METTL14: variants seen among roughly 807,000 people sequenced by gnomAD.
METTL14 encodes N(6)-adenosine-methyltransferase non-catalytic subunit METTL14.
Under a neutral mutation model 62.4 loss-of-function variants are expected in METTL14, and 32 were observed. That is an observed-to-expected ratio of 0.51 (90% CI 0.39 to 0.69). METTL14 has a LOEUF of 0.69. Among genes scored for constraint, METTL14 ranks in the 30% least tolerant of loss-of-function variants. The pLI, the probability that METTL14 is intolerant of heterozygous loss-of-function variation, is 0.00. For missense variants in METTL14, 340 were observed against 551.9 expected (o/e 0.62, Z 3.85); for synonymous variants, 150 against 180.0 (o/e 0.83, Z 1.34).
intron 6 of METTL14, among the ~76,000 whole-genome samples, chr4:118,695,941 C>G (rs1015797604): frequency 7.3e-5 from 11 of 151,506 alleles, no homozygotes; most frequent in South Asian, 6.3e-4. Flanking sequence ...GAAACCTTGT[C>G]TCTATTAAAA....
chr4:118,709,393 G>A (rs1174726852), intron 10 of METTL14, among the ~76,000 whole-genome samples: 5 of 152,176 alleles, frequency 3.3e-5, no homozygotes, highest in African/African-American at 4.8e-5. Flanking sequence ...CACTTTTAGA[G>A]GGAGGAGAAG....
chr4:118,692,303 A>G (rs1004177352), intron 5 of METTL14, among the ~76,000 whole-genome samples: 2 of 144,536 alleles, frequency 1.4e-5, no homozygotes, highest in African/African-American at 5.2e-5. Flanking sequence ...CTCTTGGCTC[A>G]CTACAACCTC....
At chr4:118,699,759 A>G (rs902008610) in intron 7 of METTL14, among the ~76,000 whole-genome samples, 7 of 152,180 alleles carry the variant, frequency 4.6e-5, no homozygotes, top group Non-Finnish European at 8.8e-5. Context: ...TCTTGATTTC[A>G]GTTTAATTTC....
intron 9 of METTL14, among the ~76,000 whole-genome samples, chr4:118,705,311 C>T (rs1249032063): frequency 2.0e-5 from 3 of 151,958 alleles, no homozygotes; most frequent in Admixed American, 6.6e-5. Context: ...CCTGTCTTTA[C>T]AAAAAATTTA....
At chr4:118,688,299 T>C (rs531364639) in intron 2 of METTL14, among the ~76,000 whole-genome samples, 10 of 152,216 alleles carry the variant, frequency 6.6e-5, no homozygotes, top group Admixed American at 4.6e-4. Context: ...TAGCCAGACA[T>C]GGTGGCGGGC....
chr4:118,695,989 AG>A (rs1450615207), intron 6 of METTL14, among the ~76,000 whole-genome samples: 1 of 151,654 alleles, frequency 6.6e-6, no homozygotes, highest in East Asian at 1.9e-4. Context: ...GCACACCTGT[AG>A]TCCCAGCTAT....
Position 118,711,577 on chromosome 4 carries a change from A to G in METTL14, c.*1275A>G, listed in dbSNP as rs1179902954. 6.6e-6 allele frequency: 1 copy of G among 152,198 alleles called. No homozygotes were observed. Among genetic ancestry groups the G allele is most frequent in the Non-Finnish European group, 1.5e-5 (1 of 68,034 alleles). 9.4% of individuals were successfully genotyped at this position (152,198 alleles called of 1,614,324 possible). A position where few individuals can be genotyped will look rare whatever the true frequency, so the allele number is the denominator to read the frequency against. On this transcript the variant is annotated 3_prime_UTR_variant, in exon 11 of 11. Transcript: ENST00000388822. ...GGCCGTTCTGTGCTCATATATACCT[A>G]AGATGAGATTATATTACATCCACCA...
intron 7 of METTL14, among the ~76,000 whole-genome samples, chr4:118,699,773 G>A (rs1320522404): frequency 6.6e-6 from 1 of 152,124 alleles, no homozygotes; most frequent in East Asian, 1.9e-4. Flanking sequence ...TAATTTCACT[G>A]TACTTCAACT....
At position 118,714,380 on chromosome 4, in the gene METTL14, T is replaced by G. The variant is rs1167123001; in HGVS notation, c.*4078T>G. 1 of 152,140 alleles carries G rather than the reference T, an allele frequency of 6.6e-6. No individual in the cohort carries two copies. The highest frequency in any genetic ancestry group is 1.5e-5 in the Non-Finnish European group (1 of 68,040). The allele number at this position is 152,140 out of a possible 1,614,324, so 9.4% of individuals were successfully genotyped here. On this transcript the variant is annotated 3_prime_UTR_variant, in exon 11 of 11. Transcript: ENST00000388822. ...GCAACTATAGAGAGAAGAGTGGGGCTGGAGACCTCATACCCTGGGTAAAGT... is the reference window on the plus strand; with the variant it reads ...GCAACTATAGAGAGAAGAGTGGGGCGGGAGACCTCATACCCTGGGTAAAGT...
intron 6 of METTL14, among the ~76,000 whole-genome samples, chr4:118,695,995 AG>A (rs1273261877): frequency 6.6e-6 from 1 of 151,568 alleles, no homozygotes; most frequent in African/African-American, 2.4e-5. Flanking sequence ...CTGTAGTCCC[AG>A]CTATTCGGGA....
At chr4:118,707,838 AT>A (rs752501219) in intron 10 of METTL14, among the ~76,000 whole-genome samples, 294 of 141,658 alleles carry the variant, frequency 2.1e-3, no homozygotes, top group Middle Eastern at 3.6e-3. Flanking sequence ...AAGCCAGACA[AT>A]TTTTTTTTTT....
At chr4:118,697,417 C>T (rs1724446622) in intron 7 of METTL14, 94 bp downstream of exon 7, 1 of 1,079,468 alleles carries the variant, frequency 9.3e-7, no homozygotes, top group African/African-American at 1.6e-5. Context: ...ATCATCCCTA[C>T]TTTTGTAGGG....
chr4:118,694,561 A>C (rs972312601), intron 6 of METTL14, 35 bp downstream of exon 6: 11 of 1,489,404 alleles, frequency 7.4e-6, no homozygotes, highest in Non-Finnish European at 1.0e-5. Context: ...TTTATTCCCA[A>C]CTCAGGCTTA....
Position 118,710,526 on chromosome 4 carries a change from A to C in METTL14, c.*224A>C. 2.2e-6 allele frequency: 1 copy of C among 458,712 alleles called. No individual in the cohort carries two copies. The highest frequency in any genetic ancestry group is 3.8e-6 in the Non-Finnish European group (1 of 259,844). The allele number at this position is 458,712 out of a possible 1,614,324, so 28.4% of individuals were successfully genotyped here. On this transcript the variant is annotated 3_prime_UTR_variant, in exon 11 of 11. Coordinates refer to ENST00000388822, the MANE Select transcript of METTL14 (RefSeq NM_020961.4). Reference sequence around the variant, plus strand: ...TCTGCCTTTTGTTATGTGCGTGAACAGAATGGAACAACTCAAGTAGCTTCA... The same window carrying C: ...TCTGCCTTTTGTTATGTGCGTGAACCGAATGGAACAACTCAAGTAGCTTCA...
chr4:118,688,947 C>T (rs1326253485), intron 2 of METTL14, among the ~76,000 whole-genome samples: 1 of 152,142 alleles, frequency 6.6e-6, no homozygotes, highest in African/African-American at 2.4e-5. Flanking sequence ...GCTGGGATTA[C>T]AGGCATGACC....
chr4:118,688,330 G>A (rs776616629), intron 2 of METTL14, among the ~76,000 whole-genome samples: 4 of 151,954 alleles, frequency 2.6e-5, no homozygotes, highest in Non-Finnish European at 5.9e-5. Flanking sequence ...CCCGCTACTC[G>A]GGAGCCTTAG....
At chr4:118,692,982 A>T (rs982426858) in intron 5 of METTL14, among the ~76,000 whole-genome samples, 23 of 152,174 alleles carry the variant, frequency 1.5e-4, no homozygotes, top group Admixed American at 5.2e-4. Flanking sequence ...AGGGTCATCG[A>T]TGTTGAAGCA....
chr4:118,688,986 A>T (rs1724161593), intron 2 of METTL14, among the ~76,000 whole-genome samples: 1 of 152,170 alleles, frequency 6.6e-6, no homozygotes, highest in Non-Finnish European at 1.5e-5. Context: ...AATTTTTATA[A>T]AAGAAAATAT....
intron 1 of METTL14, 91 bp downstream of exon 1, chr4:118,685,691 T>G: frequency 9.2e-7 from 1 of 1,086,618 alleles, no homozygotes. Context: ...TTCTGTCCCT[T>G]CTCTACCTGC....
Sources: allele counts gnomAD v4.1 joint callset (sites outside exome capture counted in the v4.1 genomes callset), GRCh38; gene constraint gnomAD v4.1.1; transcripts MANE v1.5; gene names NCBI Gene and HGNC (gene_info 2026-07-23, HGNC 2026-07-21).